The following TBC1D8 variants were observed in gnomAD, a reference collection of about 807,000 sequenced individuals.
The protein encoded by TBC1D8 is TBC1 domain family member 8.
TBC1D8 carries 65 observed loss-of-function variants against 118.8 expected under a neutral mutation model. The ratio of observed to expected loss-of-function variants is 0.55; its 90% confidence interval spans 0.45 to 0.67. The LOEUF (loss-of-function observed/expected upper bound fraction) is 0.67, where lower values mean the gene tolerates loss of function less well. Among genes scored for constraint, TBC1D8 ranks in the 30% least tolerant of loss-of-function variants. The pLI, the probability that TBC1D8 is intolerant of heterozygous loss-of-function variation, is 0.00. For missense variants in TBC1D8, 1,376 were observed against 1,471.2 expected (o/e 0.94, Z 1.06); for synonymous variants, 566 against 595.8 (o/e 0.95, Z 0.73).
chr2:101,135,242 G>A (rs149205185), intron 1 of TBC1D8, among the ~76,000 whole-genome samples: 58 of 152,282 alleles, frequency 3.8e-4, no homozygotes, highest in Admixed American at 1.7e-3. Context: ...TTGTCAAAGA[G>A]AACCTTCCAG....
chr2:101,070,603 G>A (rs906799889), intron 2 of TBC1D8, among the ~76,000 whole-genome samples: 30 of 151,204 alleles, frequency 2.0e-4, no homozygotes, highest in African/African-American at 6.6e-4. Flanking sequence ...AGTACAGACG[G>A]GGTTTCACCA....
intron 9 of TBC1D8, among the ~76,000 whole-genome samples, chr2:101,034,292 T>G (rs1356116733): frequency 6.6e-6 from 1 of 152,240 alleles, no homozygotes; most frequent in Non-Finnish European, 1.5e-5. Flanking sequence ...TTTAACACAC[T>G]GTATTCCCTA....
At chr2:101,086,497 C>T (rs372368711) in intron 2 of TBC1D8, among the ~76,000 whole-genome samples, 2 of 151,764 alleles carry the variant, frequency 1.3e-5, no homozygotes, top group Admixed American at 6.6e-5. Context: ...GTTACAGATG[C>T]TAATCAAGTT....
chr2:101,033,771 A>G lies in TBC1D8; in HGVS notation c.1604-13T>C. ...TCCGTCACCGCATCTGAGTTTTAAAAGCAATGTTTCAAGGGGGAATGATTA... is the reference window on the plus strand; with the variant it reads ...TCCGTCACCGCATCTGAGTTTTAAAGGCAATGTTTCAAGGGGGAATGATTA... On this transcript the variant is annotated splice_polypyrimidine_tract_variant and intron_variant, in intron 9 of 19. Transcript: ENST00000409318. 2 of 1,608,782 alleles carry G rather than the reference A, an allele frequency of 1.2e-6. No homozygotes were observed. The highest frequency in any genetic ancestry group is 1.7e-6 in the Non-Finnish European group (2 of 1,175,968).
At chr2:101,104,220 G>A (rs1453396830) in intron 1 of TBC1D8, among the ~76,000 whole-genome samples, 1 of 147,614 alleles carries the variant, frequency 6.8e-6, no homozygotes, top group East Asian at 2.0e-4. Context: ...AATCAAAGGA[G>A]ATCTAAATAG....
intron 1 of TBC1D8, among the ~76,000 whole-genome samples, chr2:101,147,518 A>G (rs1438719563): frequency 1.3e-5 from 2 of 152,184 alleles, no homozygotes; most frequent in Non-Finnish European, 2.9e-5. Flanking sequence ...GAAAAACATT[A>G]ATTAAATAAA....
At chr2:101,125,927 T>C (rs906033112) in intron 1 of TBC1D8, among the ~76,000 whole-genome samples, 3 of 152,224 alleles carry the variant, frequency 2.0e-5, no homozygotes, top group African/African-American at 7.2e-5. Flanking sequence ...TTGAACTCCA[T>C]TCTCCTTCCC....
In TBC1D8 at chr2:101,007,641, C is replaced by G. The variant is rs1004375953; in HGVS notation, c.*180G>C. ...GATACCTTAGGGCACTGACAATTCT[C>G]AATACATAGAAATGCTTGAGGGTTG... On this transcript the variant is annotated 3_prime_UTR_variant, in exon 20 of 20. Coordinates refer to ENST00000409318, the MANE Select transcript of TBC1D8 (RefSeq NM_001330348.2). 1.7e-5 allele frequency: 11 copies of G among 645,262 alleles called. No individual in the cohort carries two copies. The highest frequency in any genetic ancestry group is 5.5e-5 in the African/African-American group (3 of 55,034). 40.0% of individuals were successfully genotyped at this position (645,262 alleles called of 1,614,324 possible).
intron 5 of TBC1D8, among the ~76,000 whole-genome samples, chr2:101,046,786 G>A (rs1681733718): frequency 6.6e-6 from 1 of 152,074 alleles, no homozygotes; most frequent in African/African-American, 2.4e-5. Flanking sequence ...TCCCTGCTGA[G>A]GACACCTGCC....
In TBC1D8 at chr2:101,125,415, T is replaced by A. The variant is rs969531545; in HGVS notation, c.127+25712A>T. Among the ~76,000 whole-genome samples the A allele has an allele frequency of 1.7e-4, 26 of 152,272 alleles. No individual in the cohort carries two copies. The East Asian group carries it at 2.7e-3, about 16-fold the overall frequency. Reference sequence around the variant, plus strand: ...CTGAGAAAATTATACACACAGACATTCACTCACACACAGACACACACAGGC... The same window carrying A: ...CTGAGAAAATTATACACACAGACATACACTCACACACAGACACACACAGGC... On this transcript the variant is annotated intron_variant, in intron 1 of 19. Transcript: ENST00000409318.
intron 3 of TBC1D8, among the ~76,000 whole-genome samples, chr2:101,058,463 A>G (rs570447247): frequency 1.3e-5 from 2 of 152,344 alleles, no homozygotes; most frequent in African/African-American, 4.8e-5. Context: ...CTAATGTGTT[A>G]AAGTATTTAA....
rs574903250 is a variant in TBC1D8 at position 101,010,072 on chromosome 2, C to T, written c.3015+857G>A. Among the ~76,000 whole-genome samples the T allele has an allele frequency of 7.0e-4, 106 of 152,044 alleles. 1 individual carries two copies. Among genetic ancestry groups the T allele is most frequent in the Middle Eastern group, 6.8e-3 (2 of 294 alleles). ...CAATCTTCTGACCTCGTAATCCACC[C>T]GCCTCGGCCTCCCAAAGTGCTGGGA... On this transcript the variant is annotated intron_variant, in intron 19 of 19. Transcript: ENST00000409318.
Position 101,128,860 on chromosome 2 carries a change from A to G in TBC1D8, c.127+22267T>C, listed in dbSNP as rs140729549. On this transcript the variant is annotated intron_variant, in intron 1 of 19. Coordinates refer to ENST00000409318, the MANE Select transcript of TBC1D8 (RefSeq NM_001330348.2). Reference sequence around the variant, plus strand: ...ACAAATACCGTGTGATTCTAATTATATGAGGAACTTGGGATAGTCAAATTC... The same window carrying G: ...ACAAATACCGTGTGATTCTAATTATGTGAGGAACTTGGGATAGTCAAATTC... 2.5e-3 allele frequency among the ~76,000 whole-genome samples: 381 copies of G among 152,344 alleles called. 1 individual carries two copies. Among genetic ancestry groups the G allele is most frequent in the African/African-American group, 8.8e-3 (365 of 41,570 alleles).
chr2:101,058,180 C>T (rs1682548569), intron 3 of TBC1D8, among the ~76,000 whole-genome samples: 1 of 152,154 alleles, frequency 6.6e-6, no homozygotes, highest in Admixed American at 6.6e-5. Flanking sequence ...CAACGCCTAG[C>T]CCACCCCCTA....
intron 1 of TBC1D8, among the ~76,000 whole-genome samples, chr2:101,115,719 C>T (rs973083914): frequency 1.3e-5 from 2 of 152,090 alleles, no homozygotes; most frequent in Non-Finnish European, 2.9e-5. Flanking sequence ...CCACTGCACC[C>T]CAGCCTGGGT....
chr2:101,120,836 C>T (rs1046016327), intron 1 of TBC1D8, among the ~76,000 whole-genome samples: 1 of 152,210 alleles, frequency 6.6e-6, no homozygotes, highest in African/African-American at 2.4e-5. Context: ...TTAGAAAGTA[C>T]TCAGAGGGCA....
chr2:101,025,829 CTG>C (rs1440050669), intron 15 of TBC1D8, among the ~76,000 whole-genome samples: 2 of 152,232 alleles, frequency 1.3e-5, no homozygotes, highest in African/African-American at 2.4e-5. Context: ...CGCACCAAGT[CTG>C]TATTTATACT....
At chr2:101,074,290 T>G (rs1674661326) in intron 2 of TBC1D8, among the ~76,000 whole-genome samples, 1 of 152,156 alleles carries the variant, frequency 6.6e-6, no homozygotes, top group African/African-American at 2.4e-5. Flanking sequence ...TTCATCGTCT[T>G]ACATGGTTCA....
intron 1 of TBC1D8, among the ~76,000 whole-genome samples, chr2:101,105,884 A>T (rs1160890408): frequency 6.6e-6 from 1 of 152,140 alleles, no homozygotes; most frequent in African/African-American, 2.4e-5. Context: ...AACTGACGTA[A>T]AAACATATGT....
Sources: gnomAD v4.1 joint callset for allele counts (sites outside exome capture counted in the v4.1 genomes callset) on GRCh38, gnomAD v4.1.1 for gene constraint, MANE v1.5 for transcripts, NCBI Gene and HGNC (gene_info 2026-07-23, HGNC 2026-07-21) for gene names.